The following EIF4E1B variants were observed in gnomAD, a reference collection of about 807,000 sequenced individuals.
EIF4E1B encodes eukaryotic translation initiation factor 4E type 1B.
Under a neutral mutation model 31.3 loss-of-function variants are expected in EIF4E1B, and 22 were observed. That is an observed-to-expected ratio of 0.70 (90% confidence interval 0.50 to 1.00). EIF4E1B has a LOEUF of 1.00. EIF4E1B is among the 50% of genes least tolerant of loss of function. EIF4E1B has a pLI of 0.00. For synonymous variants in EIF4E1B, 126 were observed against 120.2 expected (o/e 1.05, Z -0.31); for missense variants, 290 against 311.6 (o/e 0.93, Z 0.52).
Position 176,645,029 on chromosome 5 carries a change from A to T in EIF4E1B, c.361-101A>T. The T allele has an allele frequency of 1.9e-6, 2 of 1,049,692 alleles. No homozygotes were observed. The highest frequency in any genetic ancestry group is 2.8e-6 in the Non-Finnish European group (2 of 717,198). 65.0% of individuals were successfully genotyped at this position (1,049,692 alleles called of 1,614,324 possible). A position where few individuals can be genotyped will look rare whatever the true frequency, so the allele number is the denominator to read the frequency against. On this transcript the variant is annotated intron_variant, in intron 6 of 8. Coordinates refer to ENST00000318682, the MANE Select transcript of EIF4E1B (RefSeq NM_001099408.2). This position sits in a 1 kb window ranked among gnomAD's most constrained non-coding sequence, Gnocchi z 5.4. ...AAGGGAGGATAAGAGAATCTGGCCT[A>T]CTTAGGGCCTCAGCAGAGAGCGGAT...
chr5:176,643,167 AG>A lies in EIF4E1B; in HGVS notation c.102del (p.Lys34AsnfsTer12). The A allele has an allele frequency of 6.2e-7, 1 of 1,613,786 alleles. No homozygotes were observed. ...EAAERTPTGEKSPNSPRTLLS... is the reference protein window; with the variant it reads ...EAAERTPTGEXSPNSPRTLLS... ...GCAGAGAGGACGCCCACAGGAGAAA[AG>A]TCTCCAAACTCTCCCAGGACTTTGC... On this transcript the variant is annotated frameshift_variant, in exon 4 of 9. Coordinates refer to ENST00000318682, the MANE Select transcript of EIF4E1B (RefSeq NM_001099408.2). LOFTEE classifies it high-confidence loss of function.
intron 1 of EIF4E1B, among the ~76,000 whole-genome samples, chr5:176,634,680 T>TA (rs1760466381): frequency 6.6e-6 from 1 of 150,438 alleles, no homozygotes; most frequent in African/African-American, 2.5e-5. Context: ...TTTCTTTTTT[T>TA]TTTTTTCGAG....
At position 176,645,653 on chromosome 5, in the gene EIF4E1B, G is replaced by A; in HGVS notation, c.614+137G>A. ...CCCTTCTGCCTTGCCCACCTGTATG[G>A]AAGGTCTGGCGTTCAGATTTCTAAC... On this transcript the variant is annotated intron_variant, in intron 8 of 8. Transcript: ENST00000318682. The surrounding 1 kb of genome is among the most constrained non-coding windows in gnomAD (Gnocchi z 5.4). The A allele has an allele frequency of 7.7e-7, 1 of 1,303,214 alleles. No individual in the cohort carries two copies. The highest frequency in any genetic ancestry group is 1.7e-5 in the South Asian group (1 of 57,368). 80.7% of individuals were successfully genotyped at this position (1,303,214 alleles called of 1,614,324 possible).
At chr5:176,637,433 C>T (rs1202763991) in intron 1 of EIF4E1B, among the ~76,000 whole-genome samples, 1 of 152,050 alleles carries the variant, frequency 6.6e-6, no homozygotes, top group Non-Finnish European at 1.5e-5. Context: ...AGCAAGACTC[C>T]GTCTCAAAAA....
In EIF4E1B at chr5:176,638,806, C is replaced by T; in HGVS notation, c.-201-3237C>T. On this transcript the variant is annotated intron_variant, in intron 1 of 8. Transcript: ENST00000318682. The surrounding 1 kb of genome is among the most constrained non-coding windows in gnomAD (Gnocchi z 4.3). ...GTTTGTTTGTTTAAATGCAGTTTCA[C>T]TCTTGTTGCCCAGGCTGGAGTGCAA... is the stretch of plus-strand genomic sequence containing the variant. Among the ~76,000 whole-genome samples, 1 of 152,144 alleles carries T rather than the reference C, an allele frequency of 6.6e-6. No individual in the cohort carries two copies. The highest frequency in any genetic ancestry group is 1.9e-4 in the East Asian group (1 of 5,194).
Position 176,646,036 on chromosome 5 carries a change from C to A in EIF4E1B, c.*56C>A. 1 of 1,471,656 alleles carries A rather than the reference C, an allele frequency of 6.8e-7. No individual in the cohort carries two copies. The highest frequency in any genetic ancestry group is 1.4e-5 in the African/African-American group (1 of 71,116). The allele number at this position is 1,471,656 out of a possible 1,614,324, so 91.2% of individuals were successfully genotyped here. Reference sequence around the variant, plus strand: ...GGACAGCCGCCACTGAGCCTCATTACTTTGGGGGATGGGGCGGGACTGGGG... The same window carrying A: ...GGACAGCCGCCACTGAGCCTCATTAATTTGGGGGATGGGGCGGGACTGGGG... On this transcript the variant is annotated 3_prime_UTR_variant, in exon 9 of 9. Transcript: ENST00000318682.
In EIF4E1B at chr5:176,646,059, G is replaced by A; in HGVS notation, c.*79G>A. ...TACTTTGGGGGATGGGGCGGGACTG[G>A]GGATCAGACAGCCTAGTTCTTACCT... is the stretch of plus-strand genomic sequence containing the variant. On this transcript the variant is annotated 3_prime_UTR_variant, in exon 9 of 9. Coordinates refer to ENST00000318682, the MANE Select transcript of EIF4E1B (RefSeq NM_001099408.2). 8.0e-7 allele frequency: 1 copy of A among 1,255,408 alleles called. No homozygotes were observed. The highest frequency in any genetic ancestry group is 1.3e-5 in the South Asian group (1 of 76,608). The allele number at this position is 1,255,408 out of a possible 1,614,324, so 77.8% of individuals were successfully genotyped here. A position where few individuals can be genotyped will look rare whatever the true frequency, so the allele number is the denominator to read the frequency against.
At chr5:176,637,316 G>A (rs752652000) in intron 1 of EIF4E1B, among the ~76,000 whole-genome samples, 1 of 152,202 alleles carries the variant, frequency 6.6e-6, no homozygotes, top group Non-Finnish European at 1.5e-5. Context: ...ATGTGCTCCT[G>A]TAATTCCAGC....
At chr5:176,642,870 C>CCCCCCGG in intron 3 of EIF4E1B, 68 bp downstream of exon 3, 1 of 1,426,042 alleles carries the variant, frequency 7.0e-7, no homozygotes, top group East Asian at 2.6e-5. Context: ...CCCCCCGCCC[C>CCCCCCGG]AGGTGGGCGG....
At position 176,635,716 on chromosome 5, in the gene EIF4E1B, A is replaced by G. The variant is rs935855799; in HGVS notation, c.-202+4652A>G. On this transcript the variant is annotated intron_variant, in intron 1 of 8. Coordinates refer to ENST00000318682, the MANE Select transcript of EIF4E1B (RefSeq NM_001099408.2). ...TACATGCATTTCATCCTCATGGCCC[A>G]AGATGGCTGCTGCAGCTCCTGCCAT... is the stretch of plus-strand genomic sequence containing the variant. Among the ~76,000 whole-genome samples, 5 of 152,246 alleles carry G rather than the reference A, an allele frequency of 3.3e-5. No homozygotes were observed. The East Asian group carries it at 9.6e-4, about 29-fold the overall frequency.
intron 1 of EIF4E1B, among the ~76,000 whole-genome samples, chr5:176,640,729 GC>G (rs1316325700): frequency 6.6e-6 from 1 of 152,100 alleles, no homozygotes; most frequent in Non-Finnish European, 1.5e-5. Context: ...TGCTCAAAAT[GC>G]TCAGTGGCTC....
At chr5:176,634,660 T>G (rs1183649526) in intron 1 of EIF4E1B, among the ~76,000 whole-genome samples, 19 of 139,540 alleles carry the variant, frequency 1.4e-4, no homozygotes, top group South Asian at 4.6e-4. Context: ...ATTCCTGAAG[T>G]TTTTTTTTTT....
intron 6 of EIF4E1B, 23 bp downstream of exon 6, chr5:176,644,462 C>T: frequency 1.3e-6 from 2 of 1,585,428 alleles, no homozygotes; most frequent in Non-Finnish European, 1.7e-6. Flanking sequence ...CTCCTCTTTC[C>T]CTCCCGCAAA....
intron 6 of EIF4E1B, among the ~76,000 whole-genome samples, chr5:176,644,796 C>T (rs1334002458): frequency 6.6e-6 from 1 of 152,262 alleles, no homozygotes; most frequent in Non-Finnish European, 1.5e-5. Context: ...TCTGCCCTGC[C>T]TGGGAACCAT....
chr5:176,636,163 G>A lies in EIF4E1B; in HGVS notation c.-202+5099G>A, dbSNP rs981351731. Among the ~76,000 whole-genome samples the A allele has an allele frequency of 5.9e-5, 9 of 152,096 alleles. No homozygotes were observed. The South Asian group carries it at 6.2e-4, about 11-fold the overall frequency. ...TTGCTACATTTTTCTCTCTTGCTCC[G>A]TATGTGCTTCCCTCAGAAGGGGGCA... On this transcript the variant is annotated intron_variant, in intron 1 of 8. Transcript: ENST00000318682.
At chr5:176,631,569 G>A (rs1760385003) in intron 1 of EIF4E1B, among the ~76,000 whole-genome samples, 1 of 151,892 alleles carries the variant, frequency 6.6e-6, no homozygotes, top group Non-Finnish European at 1.5e-5. Flanking sequence ...GGTACAGCAT[G>A]GGCAAAGGCA....
At position 176,646,248 on chromosome 5, in the gene EIF4E1B, C is replaced by T. The variant is rs566977927; in HGVS notation, c.*268C>T. The T allele has an allele frequency of 2.2e-4, 88 of 401,118 alleles. No individual in the cohort carries two copies. The highest frequency in any genetic ancestry group is 1.1e-3 in the African/African-American group (56 of 50,518). 24.8% of individuals were successfully genotyped at this position (401,118 alleles called of 1,614,324 possible). A position where few individuals can be genotyped will look rare whatever the true frequency, so the allele number is the denominator to read the frequency against. On this transcript the variant is annotated 3_prime_UTR_variant, in exon 9 of 9. Transcript: ENST00000318682. ...CTCCTGAGGGTGGGGTGAGTCATGG[C>T]GGGGAAGGAGGGCTCTATGGTAGGC...
At position 176,645,093 on chromosome 5, in the gene EIF4E1B, A is replaced by G. The variant is rs1243959612; in HGVS notation, c.361-37A>G. ...TGGGTGGGTCCCCATTTCCCTTTGAACACAGGGAGGCAGTTGACTTGCCAT... is the reference window on the plus strand; with the variant it reads ...TGGGTGGGTCCCCATTTCCCTTTGAGCACAGGGAGGCAGTTGACTTGCCAT... On this transcript the variant is annotated intron_variant, in intron 6 of 8. Coordinates refer to ENST00000318682, the MANE Select transcript of EIF4E1B (RefSeq NM_001099408.2). This position sits in a 1 kb window ranked among gnomAD's most constrained non-coding sequence, Gnocchi z 5.4. 6.6e-7 allele frequency: 1 copy of G among 1,524,788 alleles called. No individual in the cohort carries two copies. Among genetic ancestry groups the G allele is most frequent in the South Asian group, 1.2e-5 (1 of 82,678 alleles). The allele number at this position is 1,524,788 out of a possible 1,614,324, so 94.5% of individuals were successfully genotyped here.
Position 176,645,310 on chromosome 5 carries a change from C to T in EIF4E1B, c.474+67C>T. ...GTGTGGGTCTCATGGTGGCAGTGGTCTCAAGGATGGCAGGCCAGTCCCTAT... is the reference window on the plus strand; with the variant it reads ...GTGTGGGTCTCATGGTGGCAGTGGTTTCAAGGATGGCAGGCCAGTCCCTAT... On this transcript the variant is annotated intron_variant, in intron 7 of 8. Coordinates refer to ENST00000318682, the MANE Select transcript of EIF4E1B (RefSeq NM_001099408.2). This position sits in a 1 kb window ranked among gnomAD's most constrained non-coding sequence, Gnocchi z 5.4. The T allele has an allele frequency of 6.4e-7, 1 of 1,572,570 alleles. No homozygotes were observed. Among genetic ancestry groups the T allele is most frequent in the African/African-American group, 1.3e-5 (1 of 74,354 alleles).
Sources: gnomAD v4.1 joint callset for allele counts (sites outside exome capture counted in the v4.1 genomes callset) on GRCh38, gnomAD v4.1.1 for gene constraint, Gnocchi (gnomAD v3.1) non-coding constraint, MANE v1.5 for transcripts, NCBI Gene and HGNC (gene_info 2026-07-23, HGNC 2026-07-21) for gene names.